Variants in ABCG2 observed in about 807,000 individuals in gnomAD.
ABCG2 encodes the protein broad substrate specificity ATP-binding cassette transporter ABCG2.
In ABCG2, 80 loss-of-function variants were observed where a neutral mutation model predicts 73.5. The observed-to-expected ratio is 1.09, with a 90% CI of 0.91 to 1.31. The LOEUF (loss-of-function observed/expected upper bound fraction) is 1.31. ABCG2 is among the 50% of genes most tolerant of loss of function. ABCG2 has a pLI of 0.00. For missense variants in ABCG2, 796 were observed against 786.2 expected, an observed-to-expected ratio of 1.01 and a Z score of -0.15; for synonymous variants, 269 against 282.4, an observed-to-expected ratio of 0.95 and a Z score of 0.48.
At chr4:88,109,382 T>G (rs1722979570) in intron 9 of ABCG2, among the ~76,000 whole-genome samples, 1 of 152,226 alleles carries the variant, frequency 6.6e-6, no homozygotes, top group Non-Finnish European at 1.5e-5. Flanking sequence ...AGTATTATGA[T>G]TAAGATGTTT....
At chr4:88,167,837 T>C (rs1300931791) in intron 1 of ABCG2, among the ~76,000 whole-genome samples, 1 of 152,060 alleles carries the variant, frequency 6.6e-6, no homozygotes, top group South Asian at 2.1e-4. Flanking sequence ...TGAACTGGAA[T>C]TGTAGGGGTT....
At chr4:88,112,256 C>G (rs1358835250) in intron 9 of ABCG2, among the ~76,000 whole-genome samples, 2 of 152,094 alleles carry the variant, frequency 1.3e-5, no homozygotes, top group Non-Finnish European at 2.9e-5. Context: ...TTGCTTACTA[C>G]ATTTGTTTCA....
In ABCG2 at chr4:88,101,307, G is replaced by C; in HGVS notation, c.1290C>G (p.Leu430=). ...AACACTGGTTGGTCGTCAGGAAGAA[G>C]AGAACCCCAGCTCTGCCATGAAAAG... ...STGIQNRAGV[L]FFLTTNQCFS... is the part of the protein sequence containing the mutation. The change falls in exon 11 of 16, where the codon CTC becomes CTG. Residue 430 remains leucine (L), a synonymous_variant. Coordinates refer to ENST00000237612, the MANE Select transcript of ABCG2 (RefSeq NM_004827.3). The C allele has an allele frequency of 6.2e-7, 1 of 1,614,130 alleles. No individual in the cohort carries two copies.
At chr4:88,136,178 C>G (rs1341333394) in intron 2 of ABCG2, among the ~76,000 whole-genome samples, 2 of 152,064 alleles carry the variant, frequency 1.3e-5, no homozygotes, top group Admixed American at 1.3e-4. Context: ...CCGCTTTGGC[C>G]AGATCTGTAT....
chr4:88,141,037 C>T (rs4148150), intron 1 of ABCG2, among the ~76,000 whole-genome samples: 11,701 of 152,192 alleles, frequency 0.077, 758 homozygotes, highest in East Asian at 0.28. Context: ...AGCTTAACAA[C>T]TTGTGAAACA....
At chr4:88,144,407 C>T (rs529248676) in intron 1 of ABCG2, among the ~76,000 whole-genome samples, 7 of 151,258 alleles carry the variant, frequency 4.6e-5, no homozygotes, top group Admixed American at 1.3e-4. Context: ...ATTCATACCT[C>T]GCCTTTCTTG....
At chr4:88,190,523 G>C (rs1484243033) in intron 1 of ABCG2, among the ~76,000 whole-genome samples, 1 of 152,228 alleles carries the variant, frequency 6.6e-6, no homozygotes, top group Admixed American at 6.5e-5. Flanking sequence ...TTCCCTTGAA[G>C]ATGAGTTACT....
intron 10 of ABCG2, among the ~76,000 whole-genome samples, chr4:88,101,946 G>A (rs1461736655): frequency 6.6e-6 from 1 of 152,206 alleles, no homozygotes; most frequent in African/African-American, 2.4e-5. Flanking sequence ...CATTCCTAAT[G>A]TACAAACAGA....
chr4:88,116,416 C>G (rs946823820), intron 7 of ABCG2, among the ~76,000 whole-genome samples: 2 of 151,948 alleles, frequency 1.3e-5, no homozygotes, highest in African/African-American at 4.8e-5. Context: ...AATTAAGAAA[C>G]ATGGCCAATG....
chr4:88,128,187 G>C (rs1245039080), intron 5 of ABCG2, among the ~76,000 whole-genome samples: 1 of 152,240 alleles, frequency 6.6e-6, no homozygotes, highest in Non-Finnish European at 1.5e-5. Context: ...ATCATCACTG[G>C]TCATTAGAGA....
In ABCG2 at chr4:88,131,143, G is replaced by C. The variant is rs528922939; in HGVS notation, c.449C>G (p.Thr150Arg). ...GTTTTTTTCATGATTCGTCATAGTT[G>C]TTGCAAGCCGAAGAGCTGCTGAGAA... is the stretch of plus-strand genomic sequence containing the variant. ...LQFSAALRLA[T>R]TMTNHEKNER... Residue 150 changes from threonine to arginine, a missense_variant, in exon 5 of 16, where the codon ACA (threonine) becomes AGA (arginine). Thr to Arg is a moderately conservative substitution (Grantham distance 71, BLOSUM62 -1). Transcript: ENST00000237612. 8.1e-6 allele frequency: 13 copies of C among 1,613,990 alleles called. No homozygotes were observed. In the East Asian group the frequency reaches 2.5e-4, roughly 30 times the overall value.
At chr4:88,147,415 T>C (rs952262368) in intron 1 of ABCG2, among the ~76,000 whole-genome samples, 2 of 152,252 alleles carry the variant, frequency 1.3e-5, no homozygotes, top group Admixed American at 6.5e-5. Context: ...TTCTTCTTCA[T>C]GCTCTTTGCC....
At chr4:88,174,183 T>C (rs1360063105) in intron 1 of ABCG2, among the ~76,000 whole-genome samples, 1 of 152,014 alleles carries the variant, frequency 6.6e-6, no homozygotes, top group African/African-American at 2.4e-5. Flanking sequence ...CTTTAAGTTC[T>C]GGGGTATCTG....
chr4:88,109,907 C>G (rs958732963), intron 9 of ABCG2, among the ~76,000 whole-genome samples: 2 of 152,108 alleles, frequency 1.3e-5, no homozygotes, highest in Non-Finnish European at 2.9e-5. Flanking sequence ...GGGCCAGCCA[C>G]CTATCTTTGT....
intron 1 of ABCG2, among the ~76,000 whole-genome samples, chr4:88,149,677 C>T (rs1726310071): frequency 6.6e-6 from 1 of 151,704 alleles, no homozygotes; most frequent in Admixed American, 6.6e-5. Context: ...CATGGAGAAA[C>T]CCTGTCTCTA....
chr4:88,222,758 G>A (rs1730059994), intron 1 of ABCG2, among the ~76,000 whole-genome samples: 1 of 152,194 alleles, frequency 6.6e-6, no homozygotes, highest in African/African-American at 2.4e-5. Context: ...TGAGAAGTAG[G>A]CCACCATCCT....
chr4:88,221,649 G>A (rs567991245), intron 1 of ABCG2, among the ~76,000 whole-genome samples: 3 of 152,270 alleles, frequency 2.0e-5, no homozygotes, highest in African/African-American at 7.2e-5. Context: ...AACTTCTTGG[G>A]AACTGGAGTA....
intron 9 of ABCG2, among the ~76,000 whole-genome samples, chr4:88,111,994 T>G (rs910878884): frequency 6.6e-6 from 1 of 151,002 alleles, no homozygotes; most frequent in African/African-American, 2.4e-5. Context: ...GGCTGAAGTG[T>G]GAGGATCGCT....
chr4:88,199,372 AT>A (rs1729063205), intron 1 of ABCG2, among the ~76,000 whole-genome samples: 1 of 152,228 alleles, frequency 6.6e-6, no homozygotes, highest in Non-Finnish European at 1.5e-5. Flanking sequence ...GGAAGAATAA[AT>A]CCTAAGTAAA....
Sources: gnomAD v4.1 joint callset for allele counts (sites outside exome capture counted in the v4.1 genomes callset) on GRCh38, gnomAD v4.1.1 for gene constraint, MANE v1.5 for transcripts, NCBI Gene and HGNC (gene_info 2026-07-23, HGNC 2026-07-21) for gene names.